DUSP6: variants seen among roughly 807,000 people sequenced by gnomAD.
DUSP6 encodes the protein dual specificity protein phosphatase 6.
Under a neutral mutation model 28.0 loss-of-function variants are expected in DUSP6, and 6 were observed. That is an observed-to-expected ratio of 0.21 (90% CI 0.12 to 0.42). The LOEUF is 0.42. Ranked by LOEUF, DUSP6 falls within the 10% of genes least tolerant of loss-of-function variation. DUSP6 has a pLI of 1.00. For missense variants in DUSP6, 451 were observed against 498.1 expected (o/e 0.91, Z 0.90); for synonymous variants, 252 against 217.5 (o/e 1.16, Z -1.40).
Position 89,349,417 on chromosome 12 carries a change from G to C in DUSP6, c.983C>G (p.Ser328Cys), listed in dbSNP as rs1879103399. 1.2e-6 allele frequency: 2 copies of C among 1,614,142 alleles called. No homozygotes were observed. The highest frequency in any genetic ancestry group is 1.7e-6 in the Non-Finnish European group (2 of 1,180,034). ...DAYDIVKMKK[S>C]NISPNFNFMG... ...GAAGTTGAAGTTAGGGGATATGTTG[G>C]ATTTTTTCATTTTGACAATGTCATA... is the stretch of plus-strand genomic sequence containing the variant. The change falls in exon 3 of 3, where the codon TCC becomes TGC. Residue 328 changes from serine (S) to cysteine (C), a missense_variant. By Grantham distance (112) the Ser-to-Cys change is moderately radical. Around this residue, in one of 2 missense-constraint regions of DUSP6, gnomAD observed 104 missense variants for 151.4 expected, o/e 0.69. Transcript: ENST00000279488.
At position 89,349,591 on chromosome 12, in the gene DUSP6, C is replaced by T. The variant is rs771867401; in HGVS notation, c.839-30G>A. 2.2e-5 allele frequency: 34 copies of T among 1,563,638 alleles called. No homozygotes were observed. The South Asian group carries it at 3.9e-4, about 18-fold the overall frequency. On this transcript the variant is annotated intron_variant, in intron 2 of 2. Transcript: ENST00000279488. ...GAACACAAAAAGAAAAGCAAGATCT[C>T]AGCAGACTGAAAACCACCCTTTGTG...
At position 89,348,693 on chromosome 12, in the gene DUSP6, C is replaced by A. The variant is rs1169712870; in HGVS notation, c.*561G>T. 1 of 152,538 alleles carries A rather than the reference C, an allele frequency of 6.6e-6. No individual in the cohort carries two copies. The highest frequency in any genetic ancestry group is 1.5e-5 in the Non-Finnish European group (1 of 68,056). The allele number at this position is 152,538 out of a possible 1,614,324, so 9.4% of individuals were successfully genotyped here. ...CCCTTTGGATAATTTCTTTTAAGCC[C>A]ATCAAAGGAAAAAACAAACACAATT... On this transcript the variant is annotated 3_prime_UTR_variant, in exon 3 of 3. Coordinates refer to ENST00000279488, the MANE Select transcript of DUSP6 (RefSeq NM_001946.4).
chr12:89,347,853 T>C lies in DUSP6; in HGVS notation c.*1401A>G, dbSNP rs192797925. ...ATACTCATAAGAGGTATTGTTCATA[T>C]ACACGGTACAGTCGGTCCATTCTAG... is the stretch of plus-strand genomic sequence containing the variant. On this transcript the variant is annotated 3_prime_UTR_variant, in exon 3 of 3. Transcript: ENST00000279488. The C allele has an allele frequency of 6.6e-6, 1 of 152,358 alleles. No homozygotes were observed. Among genetic ancestry groups the C allele is most frequent in the Admixed American group, 6.5e-5 (1 of 15,300 alleles). 9.4% of individuals were successfully genotyped at this position (152,358 alleles called of 1,614,324 possible). A position where few individuals can be genotyped will look rare whatever the true frequency, so the allele number is the denominator to read the frequency against.
rs370257627 is a variant in DUSP6 at position 89,352,181 on chromosome 12, T to C, written c.-142A>G. The C allele has an allele frequency of 1.5e-6, 2 of 1,318,028 alleles. No homozygotes were observed. The highest frequency in any genetic ancestry group is 2.4e-5 in the East Asian group (1 of 42,518). 81.6% of individuals were successfully genotyped at this position (1,318,028 alleles called of 1,614,324 possible). On this transcript the variant is annotated 5_prime_UTR_variant, in exon 1 of 3. Transcript: ENST00000279488. ...GCCTTACCCAAGCCGAGGCTAGCGG[T>C]TGGGGCAGACGAGACAGAAGTAAAG...
chr12:89,351,905 G>A lies in DUSP6; in HGVS notation c.135C>T (p.Tyr45=), dbSNP rs1310815073. ...TGGCCGACTCGATGTGCGACGACTC[G>A]TATAGCTCCTGCGGCCGGCAGTCCA... is the stretch of plus-strand genomic sequence containing the variant. ...LLMDCRPQEL[Y]ESSHIESAIN... The change falls in exon 1 of 3, where the codon TAC becomes TAT. Residue 45 remains tyrosine (Y), a synonymous_variant. Coordinates refer to ENST00000279488, the MANE Select transcript of DUSP6 (RefSeq NM_001946.4). 2 of 1,612,824 alleles carry A rather than the reference G, an allele frequency of 1.2e-6. No individual in the cohort carries two copies. The highest frequency in any genetic ancestry group is 1.7e-6 in the Non-Finnish European group (2 of 1,179,928).
Position 89,351,013 on chromosome 12 carries a change from T to C in DUSP6, c.413A>G (p.Lys138Arg). The stretch of plus-strand genomic sequence containing the variant: ...ATGCAGGGAGAACTCGGCTTGGAAC[T>C]TACTGAAGCCACCTGCCAGAACGAG... ...RAFYLEGGFSKFQAEFSLHCE... is the reference protein window; with the variant it reads ...RAFYLEGGFSRFQAEFSLHCE... The change falls in exon 2 of 3, where the codon AAG becomes AGG. Residue 138 changes from lysine (K) to arginine (R), a missense_variant. Around this residue, in one of 2 missense-constraint regions of DUSP6, gnomAD observed 347 missense variants for 346.6 expected, o/e 1.00. Coordinates refer to ENST00000279488, the MANE Select transcript of DUSP6 (RefSeq NM_001946.4). 6.3e-7 allele frequency: 1 copy of C among 1,593,938 alleles called. No homozygotes were observed. Among genetic ancestry groups the C allele is most frequent in the African/African-American group, 1.3e-5 (1 of 74,762 alleles).
Position 89,350,580 on chromosome 12 carries a change from A to C in DUSP6, c.838+8T>G. ...AATGTCAGAGCGACGACTATTAATT[A>C]GTCTCACCTATGAAAGAAATGGCCT... On this transcript the variant is annotated splice_region_variant and intron_variant, in intron 2 of 2. Coordinates refer to ENST00000279488, the MANE Select transcript of DUSP6 (RefSeq NM_001946.4). 1.2e-6 allele frequency: 2 copies of C among 1,609,828 alleles called. No homozygotes were observed. Among genetic ancestry groups the C allele is most frequent in the East Asian group, 2.2e-5 (1 of 44,800 alleles).
chr12:89,347,595 G>A lies in DUSP6; in HGVS notation c.*1659C>T, dbSNP rs933174190. 3 of 152,206 alleles carry A rather than the reference G, an allele frequency of 2.0e-5. No homozygotes were observed. The highest frequency in any genetic ancestry group is 7.2e-5 in the African/African-American group (3 of 41,448). 9.4% of individuals were successfully genotyped at this position (152,206 alleles called of 1,614,324 possible). A position where few individuals can be genotyped will look rare whatever the true frequency, so the allele number is the denominator to read the frequency against. Reference sequence around the variant, plus strand: ...CACTAGGATATCTGCAGGTAGAATTGCCCATGACAACAGACTGGAAAAAGA... The same window carrying A: ...CACTAGGATATCTGCAGGTAGAATTACCCATGACAACAGACTGGAAAAAGA... On this transcript the variant is annotated 3_prime_UTR_variant, in exon 3 of 3. Coordinates refer to ENST00000279488, the MANE Select transcript of DUSP6 (RefSeq NM_001946.4).
Position 89,349,403 on chromosome 12 carries a change from T to A in DUSP6, c.997A>T (p.Asn333Tyr). 6.2e-7 allele frequency: 1 copy of A among 1,614,090 alleles called. No individual in the cohort carries two copies. The highest frequency in any genetic ancestry group is 8.5e-7 in the Non-Finnish European group (1 of 1,180,012). ...VKMKKSNISPNFNFMGQLLDF... is the reference protein window; with the variant it reads ...VKMKKSNISPYFNFMGQLLDF... ...AGCAGCTGACCCATGAAGTTGAAGT[T>A]AGGGGATATGTTGGATTTTTTCATT... The change falls in exon 3 of 3, where the codon AAC (asparagine) becomes TAC (tyrosine). Residue 333 changes from asparagine (N) to tyrosine (Y), a missense_variant. This residue lies in a region of DUSP6 where 104 missense variants were observed against 151.4 expected (regional missense o/e 0.69). Coordinates refer to ENST00000279488, the MANE Select transcript of DUSP6 (RefSeq NM_001946.4).
At position 89,352,130 on chromosome 12, in the gene DUSP6, C is replaced by T. The variant is rs774626250; in HGVS notation, c.-91G>A. Reference sequence around the variant, plus strand: ...GCGCACCGCGCGCGAAGCTGCCGCTCTCGGAGCGGGGTTTAATTCCGCCTC... The same window carrying T: ...GCGCACCGCGCGCGAAGCTGCCGCTTTCGGAGCGGGGTTTAATTCCGCCTC... On this transcript the variant is annotated 5_prime_UTR_variant, in exon 1 of 3. Transcript: ENST00000279488. 2.3e-5 allele frequency: 35 copies of T among 1,523,464 alleles called. No individual in the cohort carries two copies. The highest frequency in any genetic ancestry group is 3.0e-5 in the Non-Finnish European group (34 of 1,134,282). The allele number at this position is 1,523,464 out of a possible 1,614,324, so 94.4% of individuals were successfully genotyped here.
intron 1 of DUSP6, 113 bp downstream of exon 1, chr12:89,351,527 C>A: frequency 7.0e-7 from 1 of 1,425,760 alleles, no homozygotes; most frequent in Non-Finnish European, 9.2e-7. Flanking sequence ...AGGCGGGCAG[C>A]GCGGCTCCGA....
At position 89,351,921 on chromosome 12, in the gene DUSP6, C is replaced by T; in HGVS notation, c.119G>A (p.Arg40Gln). Residue 40 changes from arginine (R) to glutamine (Q), a missense_variant, in exon 1 of 3, where the codon CGG becomes CAG. Physicochemically the swap from Arg to Gln is conservative, Grantham distance 43. Around this residue, in one of 2 missense-constraint regions of DUSP6, gnomAD observed 347 missense variants for 346.6 expected, o/e 1.00. Coordinates refer to ENST00000279488, the MANE Select transcript of DUSP6 (RefSeq NM_001946.4). ...GNERLLLMDC[R>Q]PQELYESSHI... The stretch of plus-strand genomic sequence containing the variant: ...CGACGACTCGTATAGCTCCTGCGGC[C>T]GGCAGTCCATCAGCAGCAGCCGCTC... The T allele has an allele frequency of 6.2e-7, 1 of 1,612,914 alleles. No homozygotes were observed. The highest frequency in any genetic ancestry group is 8.5e-7 in the Non-Finnish European group (1 of 1,179,946).
At position 89,349,247 on chromosome 12, in the gene DUSP6, G is replaced by A. The variant is rs377455638; in HGVS notation, c.*7C>T. ...ACACATTCCAGCAAGGAGGGGTGTG[G>A]GGTCTTTCACGTAGATTGCAGAGAG... On this transcript the variant is annotated 3_prime_UTR_variant, in exon 3 of 3. Coordinates refer to ENST00000279488, the MANE Select transcript of DUSP6 (RefSeq NM_001946.4). The A allele has an allele frequency of 1.9e-6, 3 of 1,602,298 alleles. No homozygotes were observed. The highest frequency in any genetic ancestry group is 1.7e-6 in the Non-Finnish European group (2 of 1,171,178).
chr12:89,351,038 G>GA lies in DUSP6; in HGVS notation c.401-14dup, dbSNP rs1879166476. On this transcript the variant is annotated splice_polypyrimidine_tract_variant and intron_variant, in intron 1 of 2. Coordinates refer to ENST00000279488, the MANE Select transcript of DUSP6 (RefSeq NM_001946.4). ...TTACTGAAGCCACCTGCCAGAACGA[G>GA]AAAAGCAATCATCTAACCTGAGAAG... 1 of 1,567,186 alleles carries GA rather than the reference G, an allele frequency of 6.4e-7. No individual in the cohort carries two copies. Among genetic ancestry groups the GA allele is most frequent in the East Asian group, 2.3e-5 (1 of 43,202 alleles).
Position 89,347,821 on chromosome 12 carries a change from C to T in DUSP6, c.*1433G>A, listed in dbSNP as rs1565873276. On this transcript the variant is annotated 3_prime_UTR_variant, in exon 3 of 3. Transcript: ENST00000279488. Reference sequence around the variant, plus strand: ...CTTCAGGGGCTTTAAAATCTTAAGCCGGAACTATACTCATAAGAGGTATTG... The same window carrying T: ...CTTCAGGGGCTTTAAAATCTTAAGCTGGAACTATACTCATAAGAGGTATTG... The T allele has an allele frequency of 6.6e-6, 1 of 152,128 alleles. No homozygotes were observed. Among genetic ancestry groups the T allele is most frequent in the African/African-American group, 2.4e-5 (1 of 41,426 alleles). 9.4% of individuals were successfully genotyped at this position (152,128 alleles called of 1,614,324 possible).
rs144083822 is a variant in DUSP6 at position 89,351,893 on chromosome 12, G to A, written c.147C>T (p.His49=). 1.1e-5 allele frequency: 17 copies of A among 1,612,664 alleles called. No homozygotes were observed. In the African/African-American group the frequency reaches 1.2e-4, roughly 11 times the overall value. The change falls in exon 1 of 3, where the codon CAC becomes CAT. Residue 49 remains histidine (H), a synonymous_variant. Transcript: ENST00000279488. ...TGGCCACGTTGATGGCCGACTCGAT[G>A]TGCGACGACTCGTATAGCTCCTGCG... The part of the protein sequence containing the change: ...CRPQELYESS[H]IESAINVAIP...
At position 89,352,033 on chromosome 12, in the gene DUSP6, C is replaced by G. The variant is rs201858156; in HGVS notation, c.7G>C (p.Asp3His). The change falls in exon 1 of 3, where the codon GAT becomes CAT. Residue 3 changes from aspartate to histidine, a missense_variant. Asp to His is a moderately conservative substitution (Grantham distance 81). Transcript: ENST00000279488. MI[D>H]TLRPVPFASE... ...GCGAAGGGCACGGGTCTGAGCGTAT[C>G]TATCATGGGGGTCGAGCTGCGGGAG... 6.2e-7 allele frequency: 1 copy of G among 1,610,412 alleles called. No individual in the cohort carries two copies. Among genetic ancestry groups the G allele is most frequent in the Non-Finnish European group, 8.5e-7 (1 of 1,177,850 alleles).
At position 89,347,903 on chromosome 12, in the gene DUSP6, C is replaced by T. The variant is rs557170475; in HGVS notation, c.*1351G>A. ...GGATGTCATCTTTATTCGTGGCAAACGATGAATTTCATAAACTGCTGCTGA... is the reference window on the plus strand; with the variant it reads ...GGATGTCATCTTTATTCGTGGCAAATGATGAATTTCATAAACTGCTGCTGA... On this transcript the variant is annotated 3_prime_UTR_variant, in exon 3 of 3. Coordinates refer to ENST00000279488, the MANE Select transcript of DUSP6 (RefSeq NM_001946.4). 6.6e-5 allele frequency: 10 copies of T among 152,230 alleles called. No individual in the cohort carries two copies. The highest frequency in any genetic ancestry group is 2.1e-4 in the South Asian group (1 of 4,834). 9.4% of individuals were successfully genotyped at this position (152,230 alleles called of 1,614,324 possible). A position where few individuals can be genotyped will look rare whatever the true frequency, so the allele number is the denominator to read the frequency against.
At chr12:89,349,690 G>A in intron 2 of DUSP6, 129 bp from the exon 3 acceptor site, 6 of 657,590 alleles carry the variant, frequency 9.1e-6, no homozygotes, top group Non-Finnish European at 1.0e-5. Flanking sequence ...AGCCCTACAA[G>A]CAGCAGAAAA....
Sources: gnomAD v4.1 joint callset for allele counts on GRCh38, gnomAD v4.1.1 for gene constraint, gnomAD v4.1.1 regional missense constraint, MANE v1.5 for transcripts, NCBI Gene and HGNC (gene_info 2026-07-23, HGNC 2026-07-21) for gene names.